Variants in GPR158 observed in about 807,000 individuals in gnomAD.
GPR158 encodes metabotropic glycine receptor.
GPR158 carries 30 observed loss-of-function variants against 78.2 expected under a neutral mutation model. The ratio of observed to expected loss-of-function variants is 0.38; its 90% confidence interval spans 0.29 to 0.52. The LOEUF (loss-of-function observed/expected upper bound fraction) is 0.52, where lower values mean the gene tolerates loss of function less well. GPR158 is among the 20% of genes least tolerant of loss of function. GPR158 has a pLI of 0.83. For missense variants in GPR158, 1,463 were observed against 1,523.5 expected (o/e 0.96, Z 0.66); for synonymous variants, 581 against 591.1 (o/e 0.98, Z 0.25).
chr10:25,533,625 T>A (rs1412266624), intron 5 of GPR158, among the ~76,000 whole-genome samples: 1 of 152,224 alleles, frequency 6.6e-6, no homozygotes, highest in African/African-American at 2.4e-5. Flanking sequence ...TTTATTTTCC[T>A]TGGAAGTTAT....
chr10:25,186,600 C>A (rs759747388), intron 1 of GPR158, among the ~76,000 whole-genome samples: 3 of 152,098 alleles, frequency 2.0e-5, no homozygotes, highest in South Asian at 2.1e-4. Flanking sequence ...AACACCTCTA[C>A]GCAAATAAAC....
chr10:25,333,109 G>A (rs1175658226), intron 2 of GPR158, among the ~76,000 whole-genome samples: 3 of 152,186 alleles, frequency 2.0e-5, no homozygotes, highest in African/African-American at 4.8e-5. Context: ...CTCAAAGAAT[G>A]TGAAGGTTCA....
intron 5 of GPR158, among the ~76,000 whole-genome samples, chr10:25,487,354 T>C (rs1287728195): frequency 1.3e-5 from 2 of 152,202 alleles, no homozygotes; most frequent in African/African-American, 4.8e-5. Flanking sequence ...TATTTTTCTG[T>C]AAATTGTTGG....
intron 2 of GPR158, among the ~76,000 whole-genome samples, chr10:25,395,451 T>A (rs545288530): frequency 1.4e-4 from 22 of 152,320 alleles, no homozygotes; most frequent in African/African-American, 4.8e-4. Flanking sequence ...GACTATTTAA[T>A]TCATAAAAGC....
rs1401914287 is a variant in GPR158, at chr10:25,589,161, A to G, written c.1892+16A>G. On this transcript the variant is annotated intron_variant, in intron 8 of 10. Coordinates refer to ENST00000376351, the MANE Select transcript of GPR158 (RefSeq NM_020752.3). ...ATACAATTAGGCAAGTGATCTGTAG[A>G]GCTAGTAAATAACTATTTTATTTTT... 6.4e-7 allele frequency: 1 copy of G among 1,559,736 alleles called. No homozygotes were observed. Among genetic ancestry groups the G allele is most frequent in the Non-Finnish European group, 8.8e-7 (1 of 1,141,222 alleles).
intron 2 of GPR158, among the ~76,000 whole-genome samples, chr10:25,338,409 A>ATT (rs199717401): frequency 0.16 from 23,638 of 145,376 alleles, 3,899 homozygotes; most frequent in African/African-American, 0.42. Context: ...TATTATATAT[A>ATT]ACGTATTATA....
At chr10:25,304,613 A>G (rs1303287340) in intron 2 of GPR158, among the ~76,000 whole-genome samples, 1 of 152,044 alleles carries the variant, frequency 6.6e-6, no homozygotes, top group Non-Finnish European at 1.5e-5. Context: ...ATAGAGAGAG[A>G]TTTATGCTGG....
intron 8 of GPR158, among the ~76,000 whole-genome samples, chr10:25,592,559 T>A (rs967529319): frequency 1.3e-5 from 2 of 152,036 alleles, no homozygotes; most frequent in African/African-American, 4.8e-5. Context: ...CTAGTCAGAA[T>A]TGCAACCTTA....
intron 4 of GPR158, among the ~76,000 whole-genome samples, chr10:25,462,791 TTGAA>T (rs1158423004): frequency 2.0e-5 from 3 of 152,346 alleles, no homozygotes; most frequent in South Asian, 4.1e-4. Context: ...ATGATAAAAC[TTGAA>T]TGAATGAGGA....
At chr10:25,445,847 A>G (rs1157273868) in intron 4 of GPR158, among the ~76,000 whole-genome samples, 1 of 152,172 alleles carries the variant, frequency 6.6e-6, no homozygotes, top group East Asian at 1.9e-4. Context: ...AAAGCCATTA[A>G]CAAAGAGAGG....
chr10:25,427,949 T>G (rs1834846960), intron 4 of GPR158, among the ~76,000 whole-genome samples: 1 of 152,064 alleles, frequency 6.6e-6, no homozygotes, highest in African/African-American at 2.4e-5. Flanking sequence ...GTCCGTACAA[T>G]AATTACTCAA....
At chr10:25,465,734 C>CT (rs537469465) in intron 4 of GPR158, among the ~76,000 whole-genome samples, 15 of 152,200 alleles carry the variant, frequency 9.9e-5, no homozygotes, top group Middle Eastern at 3.4e-3. Flanking sequence ...TGTGCATGTG[C>CT]TTTTTTTACC....
At chr10:25,376,943 T>C (rs779600260) in intron 2 of GPR158, among the ~76,000 whole-genome samples, 1 of 151,622 alleles carries the variant, frequency 6.6e-6, no homozygotes, top group Non-Finnish European at 1.5e-5. Flanking sequence ...TGTATATTTT[T>C]TAAACTACCA....
At chr10:25,533,276 T>A (rs1836449513) in intron 5 of GPR158, among the ~76,000 whole-genome samples, 1 of 152,222 alleles carries the variant, frequency 6.6e-6, no homozygotes, top group African/African-American at 2.4e-5. Context: ...TGTGGACTAG[T>A]ATTAGCAGCC....
At chr10:25,417,477 AGCAGGTTCTAT>A (rs2130555593) in intron 4 of GPR158, among the ~76,000 whole-genome samples, 1 of 152,300 alleles carries the variant, frequency 6.6e-6, no homozygotes, top group South Asian at 2.1e-4. Flanking sequence ...TAGGACTCTA[AGCAGGTTCTAT>A]GCATGAAATC....
intron 2 of GPR158, among the ~76,000 whole-genome samples, chr10:25,341,381 T>C (rs1390273685): frequency 6.6e-6 from 1 of 152,158 alleles, no homozygotes; most frequent in South Asian, 2.1e-4. Flanking sequence ...TTAATATCTA[T>C]GCATTATCTG....
intron 5 of GPR158, among the ~76,000 whole-genome samples, chr10:25,508,957 T>A (rs902809220): frequency 8.5e-5 from 13 of 152,194 alleles, no homozygotes; most frequent in Non-Finnish European, 1.6e-4. Flanking sequence ...GTTAAGAATT[T>A]CCTTCACAAG....
At chr10:25,568,956 T>C (rs1036221340) in intron 6 of GPR158, among the ~76,000 whole-genome samples, 2 of 152,224 alleles carry the variant, frequency 1.3e-5, no homozygotes, top group Non-Finnish European at 2.9e-5. Context: ...TTGTATTTCA[T>C]ACAAATGCAT....
intron 2 of GPR158, among the ~76,000 whole-genome samples, chr10:25,228,135 C>G (rs1350329741): frequency 6.6e-6 from 1 of 152,062 alleles, no homozygotes; most frequent in Non-Finnish European, 1.5e-5. Flanking sequence ...ATTAGCAAGG[C>G]TTAGTGGCAC....
Sources: gnomAD v4.1 joint callset for allele counts (sites outside exome capture counted in the v4.1 genomes callset) on GRCh38, gnomAD v4.1.1 for gene constraint, MANE v1.5 for transcripts, NCBI Gene and HGNC (gene_info 2026-07-23, HGNC 2026-07-21) for gene names.